Variants in MARCHF11 observed in about 807,000 individuals in gnomAD.
The protein encoded by MARCHF11 is E3 ubiquitin-protein ligase MARCHF11.
MARCHF11 carries 29 observed loss-of-function variants against 37.3 expected under a neutral mutation model. The observed-to-expected ratio is 0.78, with a 90% CI of 0.58 to 1.06. MARCHF11 has a LOEUF of 1.06. Ranked by LOEUF, MARCHF11 falls within the 50% of genes least tolerant of loss-of-function variation. The pLI, the probability that MARCHF11 is intolerant of heterozygous loss-of-function variation, is 0.00. For synonymous variants in MARCHF11, 233 were observed against 228.0 expected (o/e 1.02, Z -0.20); for missense variants, 482 against 533.4 (o/e 0.90, Z 0.95).
At chr5:16,142,602 C>T (rs577960695) in intron 2 of MARCHF11, among the ~76,000 whole-genome samples, 1 of 151,890 alleles carries the variant, frequency 6.6e-6, no homozygotes, top group African/African-American at 2.4e-5. Flanking sequence ...GGGACTCGCA[C>T]ATTTCTGGCT....
At chr5:16,098,436 G>C (rs1420050208) in intron 2 of MARCHF11, among the ~76,000 whole-genome samples, 3 of 152,170 alleles carry the variant, frequency 2.0e-5, no homozygotes, top group Admixed American at 6.5e-5. Flanking sequence ...AAGAAAACCT[G>C]TTAGAATTAG....
At chr5:16,159,335 G>A (rs534554153) in intron 2 of MARCHF11, among the ~76,000 whole-genome samples, 3 of 152,024 alleles carry the variant, frequency 2.0e-5, no homozygotes, top group Non-Finnish European at 2.9e-5. Flanking sequence ...TTCCCTGATA[G>A]AGCATAGCAT....
chr5:16,102,595 G>A (rs1351738006), intron 2 of MARCHF11, among the ~76,000 whole-genome samples: 1 of 152,142 alleles, frequency 6.6e-6, no homozygotes, highest in African/African-American at 2.4e-5. Flanking sequence ...CCAAACTCCA[G>A]GGGAAGACTG....
At chr5:16,126,502 C>T (rs1030906454) in intron 2 of MARCHF11, among the ~76,000 whole-genome samples, 3 of 152,116 alleles carry the variant, frequency 2.0e-5, no homozygotes, top group Admixed American at 1.3e-4. Context: ...TGCAAAGCCC[C>T]GATTTAATAC....
intron 2 of MARCHF11, among the ~76,000 whole-genome samples, chr5:16,104,935 A>G (rs1737013951): frequency 6.6e-6 from 1 of 152,226 alleles, no homozygotes; most frequent in African/African-American, 2.4e-5. Flanking sequence ...ACACACACAC[A>G]CACACACATC....
At chr5:16,072,518 G>GTGTGTA (rs1395549905) in intron 3 of MARCHF11, among the ~76,000 whole-genome samples, 1 of 138,776 alleles carries the variant, frequency 7.2e-6, no homozygotes, top group Non-Finnish European at 1.5e-5. Flanking sequence ...CTCTGTGTGT[G>GTGTGTA]TGTGTGTGTG....
intron 2 of MARCHF11, 57 bp from the exon 3 acceptor site, chr5:16,091,138 A>AAG (rs2126557017): frequency 7.4e-7 from 1 of 1,360,094 alleles, no homozygotes; most frequent in East Asian, 2.6e-5. Context: ...AAAAAGAAAA[A>AAG]AAAACATTTT....
intron 2 of MARCHF11, among the ~76,000 whole-genome samples, chr5:16,162,581 A>G (rs1019680483): frequency 6.6e-6 from 1 of 151,910 alleles, no homozygotes; most frequent in Non-Finnish European, 1.5e-5. Flanking sequence ...TCATTGCCCA[A>G]TGTTTTTTTC....
chr5:16,143,478 G>A (rs933034065), intron 2 of MARCHF11, among the ~76,000 whole-genome samples: 1 of 152,232 alleles, frequency 6.6e-6, no homozygotes, highest in Non-Finnish European at 1.5e-5. Context: ...GCCACTGGAT[G>A]TCGATATTTT....
intron 2 of MARCHF11, among the ~76,000 whole-genome samples, chr5:16,168,595 C>T (rs367614841): frequency 5.9e-5 from 9 of 152,184 alleles, no homozygotes; most frequent in East Asian, 1.9e-4. Context: ...GGGAAGAAAG[C>T]GTGGCATGGT....
At chr5:16,100,682 C>G (rs1015840169) in intron 2 of MARCHF11, among the ~76,000 whole-genome samples, 8 of 152,148 alleles carry the variant, frequency 5.3e-5, no homozygotes, top group African/African-American at 1.9e-4. Flanking sequence ...TCTTTGGAAA[C>G]AGGAGTTGAA....
intron 2 of MARCHF11, among the ~76,000 whole-genome samples, chr5:16,152,171 A>AT (rs531589110): frequency 1.1e-4 from 17 of 151,850 alleles, no homozygotes; most frequent in African/African-American, 2.7e-4. Context: ...TCCCAAATGC[A>AT]TTTTTTTGTA....
chr5:16,171,927 T>G (rs1738273724), intron 2 of MARCHF11, among the ~76,000 whole-genome samples: 1 of 152,032 alleles, frequency 6.6e-6, no homozygotes. Context: ...GAGGAAGGTG[T>G]CCAAAGGGAA....
chr5:16,095,910 TAC>T (rs1736860150), intron 2 of MARCHF11, among the ~76,000 whole-genome samples: 1 of 152,178 alleles, frequency 6.6e-6, no homozygotes, highest in South Asian at 2.1e-4. Flanking sequence ...ATGCTGGAAA[TAC>T]ACGGAATTCT....
chr5:16,095,364 C>T (rs1448033942), intron 2 of MARCHF11, among the ~76,000 whole-genome samples: 3 of 151,682 alleles, frequency 2.0e-5, no homozygotes, highest in Non-Finnish European at 4.4e-5. Flanking sequence ...GCGAGGAGGG[C>T]TAAATGTTTG....
chr5:16,098,750 A>G (rs1237724133), intron 2 of MARCHF11, among the ~76,000 whole-genome samples: 1 of 149,560 alleles, frequency 6.7e-6, no homozygotes, highest in Non-Finnish European at 1.5e-5. Flanking sequence ...CCTGAGAGGC[A>G]GAGTGAGACT....
chr5:16,134,323 T>A (rs908061778), intron 2 of MARCHF11, among the ~76,000 whole-genome samples: 1 of 152,098 alleles, frequency 6.6e-6, no homozygotes, highest in Admixed American at 6.6e-5. Flanking sequence ...GTCATGAGGG[T>A]TCCACCCTCA....
At chr5:16,081,433 G>A (rs1252759785) in intron 3 of MARCHF11, among the ~76,000 whole-genome samples, 2 of 148,148 alleles carry the variant, frequency 1.3e-5, no homozygotes, top group African/African-American at 2.6e-5. Context: ...ATTTCCACAT[G>A]TCATGAAATA....
intron 3 of MARCHF11, among the ~76,000 whole-genome samples, chr5:16,086,127 T>C (rs2126553477): frequency 6.6e-6 from 1 of 152,296 alleles, no homozygotes; most frequent in South Asian, 2.1e-4. Context: ...AAATACATTG[T>C]TGTACATCTG....
Sources: gnomAD v4.1 joint callset for allele counts (sites outside exome capture counted in the v4.1 genomes callset) on GRCh38, gnomAD v4.1.1 for gene constraint, MANE v1.5 for transcripts, NCBI Gene and HGNC (gene_info 2026-07-23, HGNC 2026-07-21) for gene names.